Variants in MALRD1 observed in about 807,000 individuals in gnomAD.
MALRD1 encodes the protein MAM and LDL-receptor class A domain-containing protein 1.
A neutral mutation model predicts 242.1 loss-of-function variants in MALRD1; 247 were observed. That is an observed-to-expected ratio of 1.02 (90% CI 0.92 to 1.13). The LOEUF is 1.13. Ranked by LOEUF, MALRD1 falls within the 50% of genes most tolerant of loss-of-function variation. MALRD1 has a pLI of 0.00. For synonymous variants in MALRD1, 995 were observed against 866.6 expected (o/e 1.15, Z -2.60); for missense variants, 2,989 against 2,533.1 (o/e 1.18, Z -3.86).
intron 4 of MALRD1, among the ~76,000 whole-genome samples, chr10:19,088,802 G>T (rs1588526493): frequency 1.5e-5 from 1 of 65,378 alleles, no homozygotes; most frequent in Non-Finnish European, 2.9e-5. Context: ...TGATCTCATT[G>T]TTCAATTCCC....
intron 26 of MALRD1, among the ~76,000 whole-genome samples, chr10:19,382,283 T>C (rs937705376): frequency 6.6e-6 from 1 of 152,168 alleles, no homozygotes; most frequent in African/African-American, 2.4e-5. Flanking sequence ...AGGCCTGATC[T>C]ACTTGTAGTG....
At chr10:19,596,815 G>A (rs1838122439) in intron 34 of MALRD1, among the ~76,000 whole-genome samples, 2 of 150,878 alleles carry the variant, frequency 1.3e-5, no homozygotes, top group African/African-American at 4.9e-5. Flanking sequence ...AGGAAAGGAG[G>A]AAAGGAGGAA....
intron 38 of MALRD1, among the ~76,000 whole-genome samples, chr10:19,717,280 A>G (rs1834436391): frequency 6.6e-6 from 1 of 152,210 alleles, no homozygotes. Context: ...TTATATGCAT[A>G]TTTCACAGAA....
chr10:19,238,859 C>A (rs1281248335), intron 18 of MALRD1, among the ~76,000 whole-genome samples: 3 of 151,164 alleles, frequency 2.0e-5, no homozygotes, highest in Admixed American at 1.3e-4. Flanking sequence ...TAAGTGTTCC[C>A]TTTTCTCCAC....
At chr10:19,544,292 A>C (rs1835108596) in intron 32 of MALRD1, among the ~76,000 whole-genome samples, 1 of 151,936 alleles carries the variant, frequency 6.6e-6, no homozygotes, top group Non-Finnish European at 1.5e-5. Flanking sequence ...GGCTCAGGCG[A>C]TTCTCCTGCC....
At chr10:19,058,397 A>G (rs1834728672) in intron 1 of MALRD1, among the ~76,000 whole-genome samples, 1 of 152,192 alleles carries the variant, frequency 6.6e-6, no homozygotes, top group Non-Finnish European at 1.5e-5. Context: ...CATAATCTTT[A>G]TTGCCTCTAA....
rs187843814 is a variant in MALRD1 at position 19,275,435 on chromosome 10, A to G, written c.3080-4612A>G. 7.4e-3 allele frequency among the ~76,000 whole-genome samples: 1,133 copies of G among 152,210 alleles called. 10 individuals are homozygous for G. The highest frequency in any genetic ancestry group is 0.01 in the Non-Finnish European group (705 of 68,008). On this transcript the variant is annotated intron_variant, in intron 19 of 39. Transcript: ENST00000454679. ...TGTAATCCCAGCACTTTGGGAGGCCAAGGCGGGCAGATCACGAGGTCAGGA... is the reference window on the plus strand; with the variant it reads ...TGTAATCCCAGCACTTTGGGAGGCCGAGGCGGGCAGATCACGAGGTCAGGA...
At chr10:19,142,274 G>A (rs1833577912) in intron 10 of MALRD1, among the ~76,000 whole-genome samples, 1 of 151,476 alleles carries the variant, frequency 6.6e-6, no homozygotes, top group African/African-American at 2.4e-5. Context: ...GATCTGTGTG[G>A]GTTTCCAATA....
In MALRD1 at chr10:19,347,989, G is replaced by A. The variant is rs1015615973; in HGVS notation, c.4120G>A (p.Val1374Ile). Reference sequence around the variant, plus strand: ...GAGAGCTGCCAGAATTTCAAGTCCAGTTATAAGTAAGAGAAGCAAAAACTG... The same window carrying A: ...GAGAGCTGCCAGAATTTCAAGTCCAATTATAAGTAAGAGAAGCAAAAACTG... The part of the protein sequence containing the change: ...PMRAARISSP[V>I]ISKRSKNCKI... The change falls in exon 25 of 40, where the codon GTT (valine) becomes ATT (isoleucine). Residue 1374 changes from valine (V) to isoleucine (I), a missense_variant. Coordinates refer to ENST00000454679, the MANE Select transcript of MALRD1 (RefSeq NM_001142308.3). The A allele has an allele frequency of 3.9e-6, 6 of 1,550,426 alleles. No homozygotes were observed. Among genetic ancestry groups the A allele is most frequent in the Admixed American group, 2.0e-5 (1 of 50,974 alleles).
At chr10:19,138,162 C>CGGACTCCT (rs5783655) in intron 10 of MALRD1, among the ~76,000 whole-genome samples, 12 of 151,770 alleles carry the variant, frequency 7.9e-5, no homozygotes, top group Non-Finnish European at 1.5e-4. Context: ...GTTAATACTT[C>CGGACTCCT]AGCTTTAAAC....
chr10:19,592,649 T>A (rs1018742498), intron 33 of MALRD1, among the ~76,000 whole-genome samples: 1 of 151,884 alleles, frequency 6.6e-6, no homozygotes, highest in East Asian at 1.9e-4. Flanking sequence ...GTAAAAAAAA[T>A]TTCTGCTTTT....
intron 16 of MALRD1, 99 bp from the exon 17 acceptor site, chr10:19,204,799 T>A (rs1185079407): frequency 1.6e-6 from 2 of 1,231,478 alleles, no homozygotes; most frequent in African/African-American, 3.1e-5. Flanking sequence ...TTATGATAAC[T>A]CATTAAAATT....
chr10:19,274,691 G>A (rs995795980), intron 19 of MALRD1, among the ~76,000 whole-genome samples: 2 of 152,120 alleles, frequency 1.3e-5, no homozygotes, highest in Non-Finnish European at 2.9e-5. Flanking sequence ...GATTAACCTC[G>A]AGGACATCAT....
At chr10:19,388,082 T>G (rs1846162146) in intron 27 of MALRD1, among the ~76,000 whole-genome samples, 1 of 152,146 alleles carries the variant, frequency 6.6e-6, no homozygotes, top group African/African-American at 2.4e-5. Context: ...CCTCTTAGAT[T>G]CTGGTAGTTT....
At chr10:19,650,043 TA>T (rs1350784580) in intron 36 of MALRD1, among the ~76,000 whole-genome samples, 5 of 152,160 alleles carry the variant, frequency 3.3e-5, no homozygotes, top group Non-Finnish European at 5.9e-5. Flanking sequence ...AGTATGATCT[TA>T]ATTTTTAAGC....
intron 34 of MALRD1, among the ~76,000 whole-genome samples, chr10:19,602,094 A>AT (rs1242487510): frequency 6.8e-6 from 1 of 146,010 alleles, no homozygotes; most frequent in African/African-American, 2.6e-5. Context: ...CGGATGTCAC[A>AT]TTTTTTACAA....
intron 14 of MALRD1, among the ~76,000 whole-genome samples, chr10:19,184,416 A>C (rs1005702721): frequency 1.3e-5 from 2 of 152,306 alleles, no homozygotes; most frequent in Admixed American, 1.3e-4. Context: ...AGGCCAATCA[A>C]AATGCTACCT....
Position 19,523,121 on chromosome 10 carries a change from G to A in MALRD1, c.5321-8073G>A, listed in dbSNP as rs1406609844. Among the ~76,000 whole-genome samples the A allele has an allele frequency of 3.3e-5, 5 of 152,194 alleles. No individual in the cohort carries two copies. In the South Asian group the frequency reaches 1.0e-3, roughly 32 times the overall value. On this transcript the variant is annotated intron_variant, in intron 31 of 39. Transcript: ENST00000454679. ...CCACAACCCCATGAGGCTGAAGTAT[G>A]TACTATAATTATCTCTTATTGCTTC...
At chr10:19,655,882 T>C (rs1402569322) in intron 36 of MALRD1, among the ~76,000 whole-genome samples, 2 of 152,092 alleles carry the variant, frequency 1.3e-5, no homozygotes, top group Non-Finnish European at 2.9e-5. Flanking sequence ...TGATGCCATC[T>C]AGCTGATTAA....
Sources: allele counts gnomAD v4.1 joint callset (sites outside exome capture counted in the v4.1 genomes callset), GRCh38; gene constraint gnomAD v4.1.1; transcripts MANE v1.5; gene names NCBI Gene and HGNC (gene_info 2026-07-23, HGNC 2026-07-21).